The following UBAP2 variants were observed in gnomAD, a reference collection of about 807,000 sequenced individuals.
UBAP2 encodes ubiquitin associated protein 2.
A neutral mutation model predicts 139.6 loss-of-function variants in UBAP2; 75 were observed. That is an observed-to-expected ratio of 0.54 (90% confidence interval 0.45 to 0.65). UBAP2 has a LOEUF of 0.65. Among genes scored for constraint, UBAP2 ranks in the 30% least tolerant of loss-of-function variants. The probability of loss-of-function intolerance (pLI) is 0.00; values close to 1 mark genes in which losing one functional copy is unlikely to be tolerated. For synonymous variants in UBAP2, 526 were observed against 526.2 expected (o/e 1.00, Z 0.01); for missense variants, 1,368 against 1,369.6 (o/e 1.00, Z 0.02).
intron 5 of UBAP2, among the ~76,000 whole-genome samples, chr9:33,987,470 G>A (rs1472179620): frequency 6.6e-6 from 1 of 151,948 alleles, no homozygotes; most frequent in Non-Finnish European, 1.5e-5. Flanking sequence ...GTATGGTTGT[G>A]ACAGCGTGCA....
intron 2 of UBAP2, among the ~76,000 whole-genome samples, chr9:34,008,770 T>C (rs546018176): frequency 6.6e-6 from 1 of 151,684 alleles, no homozygotes; most frequent in East Asian, 2.0e-4. Context: ...ATCGAGACCA[T>C]CCTGGCCAAC....
At chr9:34,010,100 C>A (rs1415407643) in intron 2 of UBAP2, among the ~76,000 whole-genome samples, 1 of 138,578 alleles carries the variant, frequency 7.2e-6, no homozygotes, top group African/African-American at 2.7e-5. Context: ...AGCCACCACG[C>A]CCAGCCCGAG....
intron 7 of UBAP2, 102 bp downstream of exon 7, chr9:33,973,081 G>C: frequency 1.0e-6 from 1 of 999,054 alleles, no homozygotes; most frequent in Non-Finnish European, 1.5e-6. Context: ...GAAAACACTA[G>C]ATTCACCATG....
At chr9:33,980,442 C>T (rs1423033020) in intron 6 of UBAP2, among the ~76,000 whole-genome samples, 2 of 150,746 alleles carry the variant, frequency 1.3e-5, no homozygotes, top group East Asian at 2.0e-4. Flanking sequence ...AGGGTTTCAC[C>T]GTGTTAGCCA....
intron 13 of UBAP2, among the ~76,000 whole-genome samples, chr9:33,945,859 T>C (rs1343690590): frequency 6.6e-6 from 1 of 152,250 alleles, no homozygotes; most frequent in Non-Finnish European, 1.5e-5. Flanking sequence ...TCAAATCTTA[T>C]GCTATTAAAA....
At chr9:33,956,294 C>A in intron 10 of UBAP2, 148 bp from the exon 11 acceptor site, 1 of 499,114 alleles carries the variant, frequency 2.0e-6, no homozygotes, top group Non-Finnish European at 3.5e-6. Context: ...GTGACCATGA[C>A]AAGTAATTTT....
chr9:34,019,719 A>ACG (rs1397378570), intron 1 of UBAP2, among the ~76,000 whole-genome samples: 2 of 149,672 alleles, frequency 1.3e-5, no homozygotes. Flanking sequence ...ACACACACAC[A>ACG]CACACGCACA....
At chr9:33,953,061 A>G (rs1564028137) in intron 12 of UBAP2, among the ~76,000 whole-genome samples, 2 of 152,096 alleles carry the variant, frequency 1.3e-5, no homozygotes, top group Non-Finnish European at 2.9e-5. Flanking sequence ...CTTTTTTCGT[A>G]GAGACAGAGT....
rs1012766314 is a variant in UBAP2, at chr9:33,998,805, A to G, written c.159T>C (p.Phe53=). ...AACATACCTGCTTAACTTTAGCTTC[A>G]AAATCTGAATCATTCTTATCAAAGA... ...QVIFDKNDSD[F]EAKVKQLMEV... is the part of the protein sequence containing the mutation. The change falls in exon 3 of 29, where the codon TTT becomes TTC. Residue 53 remains phenylalanine, a synonymous_variant. Transcript: ENST00000379238. 5.0e-6 allele frequency: 8 copies of G among 1,612,356 alleles called. No homozygotes were observed. Among genetic ancestry groups the G allele is most frequent in the South Asian group, 1.1e-5 (1 of 90,962 alleles).
chr9:33,985,749 C>A (rs965612126), intron 6 of UBAP2, among the ~76,000 whole-genome samples: 3 of 151,896 alleles, frequency 2.0e-5, no homozygotes, highest in Non-Finnish European at 2.9e-5. Context: ...AGGCCGGGCT[C>A]GGTGGCTCAT....
intron 2 of UBAP2, among the ~76,000 whole-genome samples, chr9:34,011,189 C>G (rs551850148): frequency 6.6e-6 from 1 of 152,230 alleles, no homozygotes; most frequent in South Asian, 2.1e-4. Context: ...AGGGGGCAGT[C>G]TGGGGCTTAT....
At chr9:34,004,505 G>A (rs997264244) in intron 2 of UBAP2, among the ~76,000 whole-genome samples, 20 of 151,738 alleles carry the variant, frequency 1.3e-4, no homozygotes, top group Non-Finnish European at 5.9e-5. Flanking sequence ...AAAAAAGGCT[G>A]GGCGCAGTGG....
intron 3 of UBAP2, chr9:33,998,582 T>C (rs1174229110): frequency 2.0e-6 from 1 of 508,776 alleles, no homozygotes; most frequent in Admixed American, 3.5e-5. Flanking sequence ...GATTATATTG[T>C]AAGGCAGGTG....
intron 19 of UBAP2, among the ~76,000 whole-genome samples, chr9:33,931,702 C>T (rs182791545): frequency 1.5e-4 from 23 of 152,314 alleles, no homozygotes; most frequent in Non-Finnish European, 2.5e-4. Flanking sequence ...GAGGAAAGGA[C>T]AGGATGTCCC....
At chr9:34,034,386 A>G (rs1342542235) in intron 1 of UBAP2, among the ~76,000 whole-genome samples, 2 of 152,204 alleles carry the variant, frequency 1.3e-5, no homozygotes, top group Non-Finnish European at 2.9e-5. Flanking sequence ...TTAATCACTC[A>G]TGCCAAAAGC....
chr9:33,965,018 C>T (rs1187545794), intron 8 of UBAP2, among the ~76,000 whole-genome samples: 3 of 152,162 alleles, frequency 2.0e-5, no homozygotes, highest in African/African-American at 7.2e-5. Context: ...ATGATGAGCA[C>T]ACTCACGGAT....
intron 10 of UBAP2, among the ~76,000 whole-genome samples, chr9:33,956,923 T>C (rs1370246803): frequency 8.2e-6 from 1 of 122,166 alleles, no homozygotes; most frequent in South Asian, 3.4e-4. Context: ...TAAGGCTTCA[T>C]CTCTAGGAAA....
intron 2 of UBAP2, among the ~76,000 whole-genome samples, chr9:34,005,766 G>A (rs748921547): frequency 3.3e-5 from 5 of 151,986 alleles, no homozygotes; most frequent in Non-Finnish European, 5.9e-5. Context: ...TGGACAATAA[G>A]CCTCCAAAGA....
At chr9:33,939,639 T>C (rs1411015016) in intron 16 of UBAP2, among the ~76,000 whole-genome samples, 1 of 146,496 alleles carries the variant, frequency 6.8e-6, no homozygotes, top group Non-Finnish European at 1.5e-5. Flanking sequence ...CAGTCCCCAC[T>C]ACTCGGGAGG....
Sources: gnomAD v4.1 joint callset for allele counts (sites outside exome capture counted in the v4.1 genomes callset) on GRCh38, gnomAD v4.1.1 for gene constraint, MANE v1.5 for transcripts, NCBI Gene and HGNC (gene_info 2026-07-23, HGNC 2026-07-21) for gene names.